Variants in KDM4C observed in about 807,000 individuals in gnomAD.
KDM4C encodes lysine demethylase 4C.
KDM4C carries 81 observed loss-of-function variants against 129.3 expected under a neutral mutation model. The ratio of observed to expected loss-of-function variants is 0.63; its 90% CI spans 0.52 to 0.75. KDM4C has a LOEUF of 0.75. KDM4C is among the 30% of genes least tolerant of loss of function. The pLI, the probability that KDM4C is intolerant of heterozygous loss-of-function variation, is 0.00. For missense variants in KDM4C, 1,457 were observed against 1,304.0 expected (o/e 1.12, Z -1.81); for synonymous variants, 573 against 456.1 (o/e 1.26, Z -3.26).
chr9:7,170,998 G>A (rs1354827154), intron 21 of KDM4C: 6 of 159,712 alleles, frequency 3.8e-5, no homozygotes, highest in Non-Finnish European at 6.6e-5. Flanking sequence ...CCGCGTTAAA[G>A]CCATCCTGGG....
At chr9:6,835,337 A>G in intron 4 of KDM4C, 1 of 984,514 alleles carries the variant, frequency 1.0e-6, no homozygotes, top group South Asian at 1.3e-5. Context: ...CTTTACGCCA[A>G]CACATTGCTG....
chr9:7,050,456 GAC>G (rs2132563993), intron 17 of KDM4C, among the ~76,000 whole-genome samples: 1 of 53,740 alleles, frequency 1.9e-5, no homozygotes, highest in African/African-American at 5.9e-5. Flanking sequence ...AAAAAAAAAA[GAC>G]ACCAAAAAAC....
At chr9:6,955,001 T>C (rs1205935719) in intron 8 of KDM4C, among the ~76,000 whole-genome samples, 1 of 152,236 alleles carries the variant, frequency 6.6e-6, no homozygotes. Context: ...GGGAACTCTT[T>C]ATTAGTTTGC....
chr9:7,094,601 G>C (rs774951110), intron 17 of KDM4C, among the ~76,000 whole-genome samples: 1 of 152,164 alleles, frequency 6.6e-6, no homozygotes, highest in African/African-American at 2.4e-5. Context: ...GATGGGCTCT[G>C]GACTGGACAG....
chr9:7,017,376 C>A (rs1238253100), intron 15 of KDM4C, among the ~76,000 whole-genome samples: 1 of 152,100 alleles, frequency 6.6e-6, no homozygotes, highest in African/African-American at 2.4e-5. Context: ...AACAAATGAT[C>A]CCCTATTTAG....
chr9:6,857,801 T>C (rs1840140804), intron 5 of KDM4C, among the ~76,000 whole-genome samples: 1 of 151,294 alleles, frequency 6.6e-6, no homozygotes, highest in Non-Finnish European at 1.5e-5. Context: ...GTTGCTCAGA[T>C]TGGAGTGCAG....
chr9:6,760,894 GA>G (rs1819345048), intron 1 of KDM4C, among the ~76,000 whole-genome samples: 1 of 151,698 alleles, frequency 6.6e-6, no homozygotes, highest in African/African-American at 2.4e-5. Flanking sequence ...TTCAAGCCTT[GA>G]AGGGGCCTGT....
At chr9:6,965,165 A>G (rs1304597996) in intron 8 of KDM4C, among the ~76,000 whole-genome samples, 1 of 152,088 alleles carries the variant, frequency 6.6e-6, no homozygotes, top group Non-Finnish European at 1.5e-5. Flanking sequence ...AATTATATGT[A>G]GGAAATAAAA....
At chr9:6,962,793 A>G (rs2131612759) in intron 8 of KDM4C, among the ~76,000 whole-genome samples, 1 of 152,298 alleles carries the variant, frequency 6.6e-6, no homozygotes, top group East Asian at 1.9e-4. Context: ...TAAATTGTGT[A>G]TTTATTTTTA....
chr9:7,095,256 T>C (rs748834694), intron 17 of KDM4C, among the ~76,000 whole-genome samples: 10 of 152,234 alleles, frequency 6.6e-5, no homozygotes, highest in Non-Finnish European at 1.2e-4. Context: ...AACAGAGATT[T>C]GAGGAACTAT....
In KDM4C at chr9:6,849,662, T is replaced by C; in HGVS notation, c.591T>C (p.Tyr197=). 6.2e-7 allele frequency: 1 copy of C among 1,605,550 alleles called. No homozygotes were observed. The highest frequency in any genetic ancestry group is 1.1e-5 in the South Asian group (1 of 90,298). ...FAWHTEDMDL[Y]SINYLHFGEP... Reference sequence around the variant, plus strand: ...GGCACACCGAAGACATGGACCTCTATAGCATTAATTATCTCCACTTTGGAG... The same window carrying C: ...GGCACACCGAAGACATGGACCTCTACAGCATTAATTATCTCCACTTTGGAG... The change falls in exon 5 of 22, where the codon TAT becomes TAC. Residue 197 remains tyrosine (Y), a synonymous_variant. Coordinates refer to ENST00000381309, the MANE Select transcript of KDM4C (RefSeq NM_015061.6).
At position 6,790,720 on chromosome 9, in the gene KDM4C, C is replaced by T. The variant is rs149978853; in HGVS notation, c.-17-2252C>T. 3.6e-5 allele frequency among the ~76,000 whole-genome samples: 5 copies of T among 139,068 alleles called. No individual in the cohort carries two copies. In the East Asian group the frequency reaches 7.0e-4, roughly 20 times the overall value. 91.2% of individuals were successfully genotyped at this position (139,068 alleles called of 152,430 possible). ...TTTCCAGGAGGATTTGTTGTTTGTGCTGTCAGATGCCAGGTCCTAATGGAT... is the reference window on the plus strand; with the variant it reads ...TTTCCAGGAGGATTTGTTGTTTGTGTTGTCAGATGCCAGGTCCTAATGGAT... On this transcript the variant is annotated intron_variant, in intron 1 of 21. Transcript: ENST00000381309.
intron 19 of KDM4C, among the ~76,000 whole-genome samples, chr9:7,161,135 G>A (rs953982713): frequency 4.6e-5 from 7 of 152,230 alleles, no homozygotes; most frequent in African/African-American, 1.7e-4. Flanking sequence ...GACCCACCGA[G>A]CCAGGCACGG....
chr9:6,903,373 A>G (rs1456838129), intron 8 of KDM4C, among the ~76,000 whole-genome samples: 4 of 152,288 alleles, frequency 2.6e-5, no homozygotes, highest in East Asian at 3.9e-4. Flanking sequence ...TTTAAATCAT[A>G]TTAGTAAAGA....
At chr9:6,969,082 C>A (rs905532413) in intron 8 of KDM4C, among the ~76,000 whole-genome samples, 1 of 152,006 alleles carries the variant, frequency 6.6e-6, no homozygotes, top group Non-Finnish European at 1.5e-5. Flanking sequence ...ACCACAGGCA[C>A]GGATCACCAC....
chr9:6,838,757 C>T (rs1242279808), intron 4 of KDM4C, among the ~76,000 whole-genome samples: 1 of 152,108 alleles, frequency 6.6e-6, no homozygotes, highest in Non-Finnish European at 1.5e-5. Flanking sequence ...TTAAGGAGTA[C>T]ATTTTTAGAA....
chr9:7,098,134 T>C (rs1319891077), intron 17 of KDM4C, among the ~76,000 whole-genome samples: 1 of 152,238 alleles, frequency 6.6e-6, no homozygotes, highest in African/African-American at 2.4e-5. Flanking sequence ...CCTTTCCAGT[T>C]CTAGAATTCT....
chr9:6,825,502 T>C (rs1468468112), intron 4 of KDM4C, among the ~76,000 whole-genome samples: 8 of 152,220 alleles, frequency 5.3e-5, no homozygotes, highest in African/African-American at 1.4e-4. Flanking sequence ...ATTCCTGATA[T>C]GTTTCTGAAA....
At chr9:7,010,376 T>A (rs919513757) in intron 12 of KDM4C, among the ~76,000 whole-genome samples, 17 of 152,190 alleles carry the variant, frequency 1.1e-4, no homozygotes, top group Non-Finnish European at 5.9e-5. Flanking sequence ...ACAGTTGGCA[T>A]TTGACATATT....
Sources: gnomAD v4.1 joint callset for allele counts (sites outside exome capture counted in the v4.1 genomes callset) on GRCh38, gnomAD v4.1.1 for gene constraint, MANE v1.5 for transcripts, NCBI Gene and HGNC (gene_info 2026-07-23, HGNC 2026-07-21) for gene names.